AKT3: variants seen among roughly 807,000 people sequenced by gnomAD.
The protein encoded by AKT3 is AKT serine/threonine kinase 3.
In AKT3, 15 loss-of-function variants were observed where a neutral mutation model predicts 65.3. The ratio of observed to expected loss-of-function variants is 0.23; its 90% confidence interval spans 0.15 to 0.35. The LOEUF (loss-of-function observed/expected upper bound fraction) is 0.35. Among genes scored for constraint, AKT3 ranks in the 10% least tolerant of loss-of-function variants. The pLI, the probability that AKT3 is intolerant of heterozygous loss-of-function variation, is 1.00. For missense variants in AKT3, 243 were observed against 576.5 expected, an observed-to-expected ratio of 0.42 and a Z score of 5.92; for synonymous variants, 206 against 183.8, an observed-to-expected ratio of 1.12 and a Z score of -0.98.
intron 3 of AKT3, among the ~76,000 whole-genome samples, chr1:243,667,418 C>T (rs1401573698): frequency 6.6e-6 from 1 of 152,146 alleles, no homozygotes; most frequent in Non-Finnish European, 1.5e-5. Context: ...ACACCTCCAT[C>T]CTTTCAATTG....
chr1:243,586,068 G>A (rs1165558085), intron 8 of AKT3, among the ~76,000 whole-genome samples: 2 of 152,118 alleles, frequency 1.3e-5, no homozygotes, highest in South Asian at 2.1e-4. Flanking sequence ...ATGAGCAAAT[G>A]ACATGAACAG....
In AKT3 at chr1:243,611,585, G is replaced by T. The variant is rs972450319; in HGVS notation, c.696+2086C>A. Reference sequence around the variant, plus strand: ...TGTAGTCCCAGTTACACAGGAGGCTGTGATGGGAGGATAGCTTAAGCTTAG... The same window carrying T: ...TGTAGTCCCAGTTACACAGGAGGCTTTGATGGGAGGATAGCTTAAGCTTAG... On this transcript the variant is annotated intron_variant, in intron 8 of 13. Transcript: ENST00000673466. 2.6e-5 allele frequency among the ~76,000 whole-genome samples: 4 copies of T among 152,202 alleles called. No individual in the cohort carries two copies. In the South Asian group the frequency reaches 8.3e-4, roughly 32 times the overall value.
intron 4 of AKT3, among the ~76,000 whole-genome samples, chr1:243,647,044 T>A (rs2147850291): frequency 6.6e-6 from 1 of 152,358 alleles, no homozygotes; most frequent in East Asian, 1.9e-4. Context: ...TTGGGAAAAC[T>A]ACCATCGTAA....
rs1256449972 is a variant in AKT3, at chr1:243,489,049, C to T, written c.*7-599G>A. The T allele has an allele frequency of 6.2e-7, 1 of 1,613,442 alleles. No homozygotes were observed. Among genetic ancestry groups the T allele is most frequent in the Non-Finnish European group, 8.5e-7 (1 of 1,180,034 alleles). On this transcript the variant is annotated intron_variant, in intron 13 of 13. Coordinates refer to the AKT3 transcript ENST00000336199. ...CTGGATAAGCACAGCCAGGCCACAG[C>T]CCAGCAGCTGGTGCAGCTCCTCAGC...
intron 3 of AKT3, among the ~76,000 whole-genome samples, chr1:243,686,579 A>G (rs1186283609): frequency 7.4e-6 from 1 of 135,024 alleles, no homozygotes; most frequent in Non-Finnish European, 1.5e-5. Context: ...AGTACCTTCT[A>G]TCTTACGTTA....
At chr1:243,642,521 G>A (rs551751038) in intron 5 of AKT3, among the ~76,000 whole-genome samples, 30 of 152,216 alleles carry the variant, frequency 2.0e-4, no homozygotes, top group South Asian at 8.3e-4. Context: ...GTGTTAGCCA[G>A]GATGGTCTCG....
chr1:243,718,436 T>C (rs1391064716), intron 2 of AKT3, among the ~76,000 whole-genome samples: 2 of 152,078 alleles, frequency 1.3e-5, no homozygotes, highest in Non-Finnish European at 2.9e-5. Context: ...GCCACAAACA[T>C]TTTACCTATC....
chr1:243,618,376 A>G (rs751334554), intron 6 of AKT3, among the ~76,000 whole-genome samples: 2 of 152,132 alleles, frequency 1.3e-5, no homozygotes, highest in Non-Finnish European at 2.9e-5. Context: ...TATTTCACAT[A>G]CTAATTAGTT....
At chr1:243,769,144 A>C (rs1027815256) in intron 2 of AKT3, among the ~76,000 whole-genome samples, 4 of 152,110 alleles carry the variant, frequency 2.6e-5, no homozygotes, top group African/African-American at 4.8e-5. Context: ...GAGCTTTTCA[A>C]GGTTATTTCA....
At chr1:243,618,630 A>T (rs140257056) in intron 6 of AKT3, among the ~76,000 whole-genome samples, 1 of 152,182 alleles carries the variant, frequency 6.6e-6, no homozygotes, top group South Asian at 2.1e-4. Context: ...ACAAATTTAC[A>T]TATATTTATC....
intron 1 of AKT3, among the ~76,000 whole-genome samples, chr1:243,848,757 T>A (rs1463348633): frequency 6.6e-6 from 1 of 152,230 alleles, no homozygotes; most frequent in Non-Finnish European, 1.5e-5. Context: ...AAAATCAAAG[T>A]GTGAACACTT....
intron 3 of AKT3, among the ~76,000 whole-genome samples, chr1:243,674,727 C>G (rs1318958882): frequency 1.3e-5 from 2 of 152,162 alleles, no homozygotes; most frequent in African/African-American, 2.4e-5. Context: ...GCATTCTGGT[C>G]TAAACAAACC....
chr1:243,600,477 C>A lies in AKT3; in HGVS notation c.696+13194G>T, dbSNP rs565803888. 1.6e-3 allele frequency among the ~76,000 whole-genome samples: 237 copies of A among 152,168 alleles called. 1 individual carries two copies. The highest frequency in any genetic ancestry group is 2.4e-3 in the Admixed American group (37 of 15,288). ...GTTTCAGGATAGATATAGACCAATACAACAGAATGCAGAGTCCAGAAATCG... is the reference window on the plus strand; with the variant it reads ...GTTTCAGGATAGATATAGACCAATAAAACAGAATGCAGAGTCCAGAAATCG... On this transcript the variant is annotated intron_variant, in intron 8 of 13. Transcript: ENST00000673466.
chr1:243,501,770 T>C lies in AKT3; in HGVS notation c.*3479A>G, dbSNP rs1240235988. 3 of 232,854 alleles carry C rather than the reference T, an allele frequency of 1.3e-5. No individual in the cohort carries two copies. The highest frequency in any genetic ancestry group is 6.1e-5 in the East Asian group (1 of 16,502). 14.4% of individuals were successfully genotyped at this position (232,854 alleles called of 1,614,324 possible). On this transcript the variant is annotated 3_prime_UTR_variant, in exon 14 of 14. Transcript: ENST00000673466. ...CAACAATAAACAGAGAAGTAGCAGATTGACATAGTGCTTTATTTAAGCTGT... is the reference window on the plus strand; with the variant it reads ...CAACAATAAACAGAGAAGTAGCAGACTGACATAGTGCTTTATTTAAGCTGT...
At chr1:243,520,561 CATAT>C (rs747656478) in intron 12 of AKT3, among the ~76,000 whole-genome samples, 9 of 152,134 alleles carry the variant, frequency 5.9e-5, no homozygotes, top group Non-Finnish European at 1.2e-4. Context: ...AAAAGATAGT[CATAT>C]ATATTTCTGT....
chr1:243,733,089 C>T (rs1400252727), intron 2 of AKT3, among the ~76,000 whole-genome samples: 2 of 152,230 alleles, frequency 1.3e-5, no homozygotes, highest in Non-Finnish European at 2.9e-5. Context: ...CTGTTCAGTA[C>T]TGTGCTATGC....
chr1:243,592,424 C>T (rs903506724), intron 8 of AKT3, among the ~76,000 whole-genome samples: 2 of 151,196 alleles, frequency 1.3e-5, no homozygotes, highest in South Asian at 2.1e-4. Flanking sequence ...ACATCATAAT[C>T]AATAGCTGAA....
chr1:243,549,284 C>G (rs1672882411), intron 11 of AKT3, among the ~76,000 whole-genome samples: 1 of 152,186 alleles, frequency 6.6e-6, no homozygotes, highest in African/African-American at 2.4e-5. Flanking sequence ...TTTGCATACC[C>G]TGTCTGTTAA....
intron 2 of AKT3, among the ~76,000 whole-genome samples, chr1:243,763,139 T>C (rs1689597104): frequency 6.6e-6 from 1 of 152,102 alleles, no homozygotes; most frequent in South Asian, 2.1e-4. Flanking sequence ...CATTTTATTC[T>C]ACTGAAATTC....
Sources: allele counts gnomAD v4.1 joint callset (sites outside exome capture counted in the v4.1 genomes callset), GRCh38; gene constraint gnomAD v4.1.1; transcripts MANE v1.5; gene names NCBI Gene and HGNC (gene_info 2026-07-23, HGNC 2026-07-21).